CCT5: variants seen among roughly 807,000 people sequenced by gnomAD.
The protein encoded by CCT5 is T-complex protein 1 subunit epsilon.
A neutral mutation model predicts 55.0 loss-of-function variants in CCT5; 6 were observed. The ratio of observed to expected loss-of-function variants is 0.11; its 90% CI spans 0.06 to 0.22. The LOEUF (loss-of-function observed/expected upper bound fraction) is 0.22. Among genes scored for constraint, CCT5 ranks in the 10% least tolerant of loss-of-function variants. The probability of loss-of-function intolerance (pLI) is 1.00; values close to 1 mark genes in which losing one functional copy is unlikely to be tolerated. For synonymous variants in CCT5, 231 were observed against 243.7 expected (o/e 0.95, Z 0.49); for missense variants, 560 against 694.6 (o/e 0.81, Z 2.18).
rs998411370 is a variant in CCT5, at chr5:10,265,971, G to C, written c.*1188G>C. On this transcript the variant is annotated 3_prime_UTR_variant, in exon 11 of 11. Transcript: ENST00000280326. The stretch of plus-strand genomic sequence containing the variant: ...TGGGTTACCGTCTCATGTGAACCTG[G>C]AGATTCACCAGTCTTAACTTTTGGG... The C allele has an allele frequency of 6.6e-6, 1 of 152,126 alleles. No individual in the cohort carries two copies. The highest frequency in any genetic ancestry group is 2.4e-5 in the African/African-American group (1 of 41,420). 9.4% of individuals were successfully genotyped at this position (152,126 alleles called of 1,614,324 possible).
At chr5:10,257,946 G>T in intron 4 of CCT5, 165 bp from the exon 5 acceptor site, 1 of 723,656 alleles carries the variant, frequency 1.4e-6, no homozygotes, top group Non-Finnish European at 2.4e-6. Flanking sequence ...CACAGGTTAA[G>T]AATCTGCCCC....
intron 6 of CCT5, among the ~76,000 whole-genome samples, chr5:10,260,490 T>G (rs1012278466): frequency 3.3e-5 from 5 of 152,182 alleles, no homozygotes; most frequent in Admixed American, 3.3e-4. Context: ...GGAAGGGTGT[T>G]AGCTTTGTTG....
Position 10,261,668 on chromosome 5 carries a change from A to G in CCT5, c.1102A>G (p.Lys368Glu). The G allele has an allele frequency of 6.2e-7, 1 of 1,614,138 alleles. No individual in the cohort carries two copies. The highest frequency in any genetic ancestry group is 8.5e-7 in the Non-Finnish European group (1 of 1,179,988). Residue 368 changes from lysine to glutamate, a missense_variant, in exon 8 of 11, where the codon AAG becomes GAG. Coordinates refer to ENST00000280326, the MANE Select transcript of CCT5 (RefSeq NM_012073.5). ...ACAGGAGATCTCATTTGGGACAACTAAGGATAAAATGCTGGTCATCGAGCA... is the reference window on the plus strand; with the variant it reads ...ACAGGAGATCTCATTTGGGACAACTGAGGATAAAATGCTGGTCATCGAGCA... ...LVQEISFGTT[K>E]DKMLVIEQCK...
At chr5:10,249,926 A>AAC (rs1745268327), upstream of CCT5, 1 of 944,526 alleles carries the variant, frequency 1.1e-6, no homozygotes, top group African/African-American at 2.1e-5. Context: ...AAAAAAAAAA[A>AAC]AAAAAAAACC....
At position 10,254,662 on chromosome 5, in the gene CCT5, G is replaced by A. The variant is rs1406313852; in HGVS notation, c.167-12G>A. ...GTTTTTTGCGCAAAGCCTACTAAAC[G>A]TTGTTTTTTAGGGCTTGATAAGATG... On this transcript the variant is annotated splice_polypyrimidine_tract_variant and intron_variant, in intron 2 of 10. Transcript: ENST00000280326. The A allele has an allele frequency of 3.7e-6, 6 of 1,613,418 alleles. No individual in the cohort carries two copies. In the African/African-American group the frequency reaches 4.0e-5, roughly 11 times the overall value.
At chr5:10,252,712 C>G (rs1197489529) in intron 1 of CCT5, among the ~76,000 whole-genome samples, 1 of 151,946 alleles carries the variant, frequency 6.6e-6, no homozygotes, top group African/African-American at 2.4e-5. Flanking sequence ...AGTTTCCAGG[C>G]CAGCCAGCAT....
chr5:10,261,822 A>AC, intron 8 of CCT5, 77 bp downstream of exon 8: 1 of 1,071,380 alleles, frequency 9.3e-7, no homozygotes, highest in Non-Finnish European at 1.5e-6. Flanking sequence ...TGTGTATTTA[A>AC]CAGAGACACA....
chr5:10,262,702 G>A (rs1746027959), intron 9 of CCT5, 84 bp downstream of exon 9: 1 of 1,460,522 alleles, frequency 6.8e-7, no homozygotes. Flanking sequence ...CGAGGTGCTG[G>A]ATGCAAAACA....
intron 10 of CCT5, 127 bp downstream of exon 10, chr5:10,263,441 A>G (rs1746076456): frequency 3.5e-6 from 3 of 852,940 alleles, no homozygotes; most frequent in Non-Finnish European, 5.6e-6. Context: ...CAGGTGTTCA[A>G]GTCCTGAATT....
intron 9 of CCT5, 58 bp downstream of exon 9, chr5:10,262,676 T>C: frequency 6.3e-7 from 1 of 1,589,754 alleles, no homozygotes; most frequent in South Asian, 1.1e-5. Context: ...GTGGAGACTG[T>C]GAAGCTGCGG....
chr5:10,253,937 CT>C (rs1745550857), intron 1 of CCT5, among the ~76,000 whole-genome samples: 1 of 152,204 alleles, frequency 6.6e-6, no homozygotes, highest in Non-Finnish European at 1.5e-5. Context: ...ACACAAAGCA[CT>C]TGGTTCTCTT....
At chr5:10,256,541 C>T (rs980969543) in intron 4 of CCT5, among the ~76,000 whole-genome samples, 8 of 152,062 alleles carry the variant, frequency 5.3e-5, no homozygotes, top group Non-Finnish European at 8.8e-5. Flanking sequence ...TGTAGTGGGA[C>T]CCCATCGCTA....
At chr5:10,264,427 G>C (rs973022412) in intron 10 of CCT5, among the ~76,000 whole-genome samples, 1 of 152,158 alleles carries the variant, frequency 6.6e-6, no homozygotes, top group African/African-American at 2.4e-5. Context: ...TGAAGACAGT[G>C]CCCTCCCAAC....
chr5:10,254,282 A>G, intron 2 of CCT5, 77 bp downstream of exon 2: 2 of 1,073,554 alleles, frequency 1.9e-6, no homozygotes, highest in South Asian at 1.3e-5. Flanking sequence ...CTCTACAGAA[A>G]GGTGGAGTAT....
chr5:10,250,549 G>C, intron 1 of CCT5, 104 bp downstream of exon 1: 1 of 1,537,002 alleles, frequency 6.5e-7, no homozygotes, highest in Non-Finnish European at 8.8e-7. Flanking sequence ...GTGCTCCCCG[G>C]AAAGGTCGAG....
rs1460149996 is a variant in CCT5, at chr5:10,266,102, G to C, written c.*1319G>C. 2.0e-5 allele frequency: 3 copies of C among 152,106 alleles called. No homozygotes were observed. In the East Asian group the frequency reaches 5.8e-4, roughly 29 times the overall value. The allele number at this position is 152,106 out of a possible 1,614,324, so 9.4% of individuals were successfully genotyped here. A position where few individuals can be genotyped will look rare whatever the true frequency, so the allele number is the denominator to read the frequency against. ...ATCTTCCTAATTTTCATGTTTATAT[G>C]GAACTATGCAGTTGAGTATTGAAAG... On this transcript the variant is annotated 3_prime_UTR_variant, in exon 11 of 11. Coordinates refer to ENST00000280326, the MANE Select transcript of CCT5 (RefSeq NM_012073.5).
chr5:10,256,735 G>A (rs1390184367), intron 4 of CCT5, among the ~76,000 whole-genome samples: 2 of 151,800 alleles, frequency 1.3e-5, no homozygotes, highest in Non-Finnish European at 2.9e-5. Flanking sequence ...GAGGATATGT[G>A]AATTTTCTTA....
At position 10,260,782 on chromosome 5, in the gene CCT5, C is replaced by G; in HGVS notation, c.874-10C>G. On this transcript the variant is annotated splice_polypyrimidine_tract_variant and intron_variant, in intron 6 of 10. Transcript: ENST00000280326. ...TTCTCTTAATACGATTGTGGTGGTT[C>G]TTTTCCCAGATTAAAGAGACTGGTG... 6.2e-7 allele frequency: 1 copy of G among 1,613,064 alleles called. No homozygotes were observed. The highest frequency in any genetic ancestry group is 8.5e-7 in the Non-Finnish European group (1 of 1,179,726).
chr5:10,256,208 C>T, intron 4 of CCT5, 55 bp downstream of exon 4: 9 of 1,476,700 alleles, frequency 6.1e-6, no homozygotes, highest in Non-Finnish European at 8.4e-6. Flanking sequence ...AGTTTGTTTG[C>T]CATTTCTTAA....
Sources: gnomAD v4.1 joint callset for allele counts (sites outside exome capture counted in the v4.1 genomes callset) on GRCh38, gnomAD v4.1.1 for gene constraint, MANE v1.5 for transcripts, NCBI Gene and HGNC (gene_info 2026-07-23, HGNC 2026-07-21) for gene names.